Variants in PTMS observed in about 807,000 individuals in gnomAD.
PTMS encodes the protein parathymosin.
A neutral mutation model predicts 18.4 loss-of-function variants in PTMS; 5 were observed. That is an observed-to-expected ratio of 0.27 (90% confidence interval 0.14 to 0.57). The LOEUF (loss-of-function observed/expected upper bound fraction) is 0.57, where lower values mean the gene tolerates loss of function less well. Ranked by LOEUF, PTMS falls within the 20% of genes least tolerant of loss-of-function variation. The probability of loss-of-function intolerance (pLI) is 0.92; values close to 1 mark genes in which losing one functional copy is unlikely to be tolerated. For synonymous variants in PTMS, 53 were observed against 47.7 expected, an observed-to-expected ratio of 1.11 and a Z score of -0.46; for missense variants, 93 against 124.6, an observed-to-expected ratio of 0.75 and a Z score of 1.21.
intron 2 of PTMS, 91 bp downstream of exon 2, chr12:6,769,765 T>G: frequency 1.9e-6 from 3 of 1,600,982 alleles, no homozygotes; most frequent in Non-Finnish European, 2.6e-6. Context: ...CCGAGGGTGC[T>G]GGGTCCTGCC....
At chr12:6,769,218 G>A in intron 1 of PTMS, 1 of 254,920 alleles carries the variant, frequency 3.9e-6, no homozygotes. Context: ...GGCGGGGCAG[G>A]CAAGGGAGGC....
Position 6,766,597 on chromosome 12 carries a change from C to A in PTMS, c.-109C>A. The A allele has an allele frequency of 1.7e-6, 1 of 598,128 alleles. No individual in the cohort carries two copies. The highest frequency in any genetic ancestry group is 2.2e-6 in the Non-Finnish European group (1 of 446,844). 37.1% of individuals were successfully genotyped at this position (598,128 alleles called of 1,614,324 possible). A position where few individuals can be genotyped will look rare whatever the true frequency, so the allele number is the denominator to read the frequency against. On this transcript the variant is annotated 5_prime_UTR_variant, in exon 1 of 5. Coordinates refer to ENST00000309083, the MANE Select transcript of PTMS (RefSeq NM_002824.6). ...GCCGCTGCCGCTGTCGCCGCCGCCG[C>A]CGCCACCGCGCCAGGTTCCGGCCGC...
At chr12:6,769,208 G>A (rs1941807077) in intron 1 of PTMS, 1 of 253,898 alleles carries the variant, frequency 3.9e-6, no homozygotes, top group Non-Finnish European at 7.6e-6. Flanking sequence ...GGCGGGCAGT[G>A]GCGGGGCAGG....
Position 6,770,760 on chromosome 12 carries a change from A to G in PTMS, c.*318A>G. 7.4e-6 allele frequency: 3 copies of G among 406,964 alleles called. No homozygotes were observed. Among genetic ancestry groups the G allele is most frequent in the Middle Eastern group, 7.1e-4 (1 of 1,406 alleles). The allele number at this position is 406,964 out of a possible 1,614,324, so 25.2% of individuals were successfully genotyped here. A position where few individuals can be genotyped will look rare whatever the true frequency, so the allele number is the denominator to read the frequency against. Reference sequence around the variant, plus strand: ...TTCCTCCGGTAGCCTCTCCCACCTAACCTCTGCATCCCCCAGCCTCATGTC... The same window carrying G: ...TTCCTCCGGTAGCCTCTCCCACCTAGCCTCTGCATCCCCCAGCCTCATGTC... On this transcript the variant is annotated 3_prime_UTR_variant, in exon 5 of 5. Coordinates refer to ENST00000309083, the MANE Select transcript of PTMS (RefSeq NM_002824.6). This position sits in a 1 kb window ranked among gnomAD's most constrained non-coding sequence, Gnocchi z 7.3.
In PTMS at chr12:6,766,764, C is replaced by T. The variant is rs1046477106; in HGVS notation, c.45+14C>T. ...TTGAGCGCCAAGGTACGGGCGGGGG[C>T]GGCGGCGGCCCGGACCTCGCGCAGC... On this transcript the variant is annotated intron_variant, in intron 1 of 4. Coordinates refer to ENST00000309083, the MANE Select transcript of PTMS (RefSeq NM_002824.6). The T allele has an allele frequency of 1.9e-6, 2 of 1,059,536 alleles. No homozygotes were observed. Among genetic ancestry groups the T allele is most frequent in the Non-Finnish European group, 2.3e-6 (2 of 879,852 alleles). 65.6% of individuals were successfully genotyped at this position (1,059,536 alleles called of 1,614,324 possible). A position where few individuals can be genotyped will look rare whatever the true frequency, so the allele number is the denominator to read the frequency against.
chr12:6,770,307 C>T lies in PTMS; in HGVS notation c.259-85C>T, dbSNP rs528339458. On this transcript the variant is annotated intron_variant, in intron 4 of 4. Coordinates refer to ENST00000309083, the MANE Select transcript of PTMS (RefSeq NM_002824.6). This position sits in a 1 kb window ranked among gnomAD's most constrained non-coding sequence, Gnocchi z 7.3. Reference sequence around the variant, plus strand: ...GATTTGGACCCAGATCCCTGTGTGGCAGGGGTGGGGGCTGGAACAGGACCG... The same window carrying T: ...GATTTGGACCCAGATCCCTGTGTGGTAGGGGTGGGGGCTGGAACAGGACCG... 2.5e-6 allele frequency: 4 copies of T among 1,608,426 alleles called. No individual in the cohort carries two copies. Among genetic ancestry groups the T allele is most frequent in the Admixed American group, 1.7e-5 (1 of 60,016 alleles).
chr12:6,766,504 A>AGGGGG lies in PTMS; in HGVS notation c.-201_-200insGGGGG. 1 of 258,872 alleles carries AGGGGG rather than the reference A, an allele frequency of 3.9e-6. No homozygotes were observed. Among genetic ancestry groups the AGGGGG allele is most frequent in the South Asian group, 3.4e-5 (1 of 29,514 alleles). 16.0% of individuals were successfully genotyped at this position (258,872 alleles called of 1,614,324 possible). A position where few individuals can be genotyped will look rare whatever the true frequency, so the allele number is the denominator to read the frequency against. On this transcript the variant is annotated 5_prime_UTR_variant, in exon 1 of 5. Transcript: ENST00000309083. Reference sequence around the variant, plus strand: ...CCGCAGCCCTGCGGGTCTCCGCTCCAGACCCACCCCCGCCCCACCCCGCGC... The same window carrying AGGGGG: ...CCGCAGCCCTGCGGGTCTCCGCTCCAGGGGGGACCCACCCCCGCCCCACCCCGCGC...
chr12:6,769,751 C>T, intron 2 of PTMS, 77 bp downstream of exon 2: 1 of 1,603,340 alleles, frequency 6.2e-7, no homozygotes, highest in Non-Finnish European at 8.5e-7. Flanking sequence ...CCTCTGCTTT[C>T]CTTCCGAGGG....
At position 6,769,594 on chromosome 12, in the gene PTMS, C is replaced by G. The variant is rs1399346983; in HGVS notation, c.46-9C>G. Reference sequence around the variant, plus strand: ...GTGGTGAGAAAGGTGACCTCTTTCTCCTTTGCAGGACCTGAAGGAGAAGAA... The same window carrying G: ...GTGGTGAGAAAGGTGACCTCTTTCTGCTTTGCAGGACCTGAAGGAGAAGAA... On this transcript the variant is annotated splice_polypyrimidine_tract_variant and intron_variant, in intron 1 of 4. Coordinates refer to ENST00000309083, the MANE Select transcript of PTMS (RefSeq NM_002824.6). The G allele has an allele frequency of 7.4e-6, 12 of 1,613,900 alleles. No homozygotes were observed. The highest frequency in any genetic ancestry group is 1.0e-5 in the Non-Finnish European group (12 of 1,180,006).
chr12:6,766,586 C>A lies in PTMS; in HGVS notation c.-120C>A. 2.2e-6 allele frequency: 1 copy of A among 457,352 alleles called. No homozygotes were observed. The allele number at this position is 457,352 out of a possible 1,614,324, so 28.3% of individuals were successfully genotyped here. A position where few individuals can be genotyped will look rare whatever the true frequency, so the allele number is the denominator to read the frequency against. ...GCCGAGCGGCCGCCGCTGCCGCTGTCGCCGCCGCCGCCGCCACCGCGCCAG... is the reference window on the plus strand; with the variant it reads ...GCCGAGCGGCCGCCGCTGCCGCTGTAGCCGCCGCCGCCGCCACCGCGCCAG... On this transcript the variant is annotated 5_prime_UTR_variant, in exon 1 of 5. Transcript: ENST00000309083.
chr12:6,769,766 G>A, intron 2 of PTMS, 92 bp downstream of exon 2: 3 of 1,598,584 alleles, frequency 1.9e-6, no homozygotes, highest in Non-Finnish European at 1.7e-6. Flanking sequence ...CGAGGGTGCT[G>A]GGTCCTGCCG....
intron 1 of PTMS, among the ~76,000 whole-genome samples, chr12:6,766,954 C>A (rs560674517): frequency 2.0e-5 from 3 of 151,568 alleles, no homozygotes; most frequent in South Asian, 2.1e-4. Flanking sequence ...AGCTGCCCTG[C>A]GCGCACCACG....
At chr12:6,766,945 G>A (rs986243570) in intron 1 of PTMS, among the ~76,000 whole-genome samples, 195 bp downstream of exon 1, 3 of 151,180 alleles carry the variant, frequency 2.0e-5, no homozygotes, top group Non-Finnish European at 4.4e-5. Flanking sequence ...GCGCCCTCTA[G>A]CTGCCCTGCG....
Position 6,770,829 on chromosome 12 carries a change from T to G in PTMS, c.*387T>G. The G allele has an allele frequency of 2.8e-5, 6 of 215,784 alleles. No individual in the cohort carries two copies. The highest frequency in any genetic ancestry group is 2.8e-5 in the Non-Finnish European group (3 of 106,884). 13.4% of individuals were successfully genotyped at this position (215,784 alleles called of 1,614,324 possible). A position where few individuals can be genotyped will look rare whatever the true frequency, so the allele number is the denominator to read the frequency against. On this transcript the variant is annotated 3_prime_UTR_variant, in exon 5 of 5. Coordinates refer to ENST00000309083, the MANE Select transcript of PTMS (RefSeq NM_002824.6). This position sits in a 1 kb window ranked among gnomAD's most constrained non-coding sequence, Gnocchi z 7.3. ...GCCTGATCCCTGGATCTCCCTCAGATCCCCTCTTCTCAGACAGCGCCAGGC... is the reference window on the plus strand; with the variant it reads ...GCCTGATCCCTGGATCTCCCTCAGAGCCCCTCTTCTCAGACAGCGCCAGGC...
intron 2 of PTMS, 77 bp from the exon 3 acceptor site, chr12:6,769,844 G>C (rs1464293435): frequency 6.2e-7 from 1 of 1,607,358 alleles, no homozygotes; most frequent in Non-Finnish European, 8.5e-7. Context: ...TATCACCCAG[G>C]CTCCAGTCCC....
Position 6,770,043 on chromosome 12 carries a change from A to G in PTMS, c.196+44A>G. 1 of 1,575,944 alleles carries G rather than the reference A, an allele frequency of 6.3e-7. No individual in the cohort carries two copies. The highest frequency in any genetic ancestry group is 8.6e-7 in the Non-Finnish European group (1 of 1,161,394). Reference sequence around the variant, plus strand: ...GGCTGGGCTGGCAAAGTCTGGGCTCAAAGGAGAGCAGAGTCAGGGTGGGTT... The same window carrying G: ...GGCTGGGCTGGCAAAGTCTGGGCTCGAAGGAGAGCAGAGTCAGGGTGGGTT... On this transcript the variant is annotated intron_variant, in intron 3 of 4. Coordinates refer to ENST00000309083, the MANE Select transcript of PTMS (RefSeq NM_002824.6). The surrounding 1 kb of genome is among the most constrained non-coding windows in gnomAD (Gnocchi z 7.3).
chr12:6,770,572 T>A lies in PTMS; in HGVS notation c.*130T>A, dbSNP rs1329332937. The A allele has an allele frequency of 5.0e-5, 54 of 1,086,822 alleles. No individual in the cohort carries two copies. The highest frequency in any genetic ancestry group is 6.6e-5 in the Non-Finnish European group (48 of 727,840). 67.3% of individuals were successfully genotyped at this position (1,086,822 alleles called of 1,614,324 possible). A position where few individuals can be genotyped will look rare whatever the true frequency, so the allele number is the denominator to read the frequency against. The stretch of plus-strand genomic sequence containing the variant: ...TGCACCAGAGCTGCCACCCTCTTCT[T>A]TCTCCCCAGCCTTCTCATTTCCGCC... On this transcript the variant is annotated 3_prime_UTR_variant, in exon 5 of 5. Transcript: ENST00000309083. This position sits in a 1 kb window ranked among gnomAD's most constrained non-coding sequence, Gnocchi z 7.3.
intron 1 of PTMS, 49 bp downstream of exon 1, chr12:6,766,799 C>T: frequency 9.6e-7 from 1 of 1,039,622 alleles, no homozygotes; most frequent in Non-Finnish European, 1.2e-6. Context: ...CCCTGGGGCC[C>T]GGCGCGGTCC....
In PTMS at chr12:6,770,389, C is replaced by T; in HGVS notation, c.259-3C>T. 3.1e-6 allele frequency: 5 copies of T among 1,612,558 alleles called. No homozygotes were observed. Among genetic ancestry groups the T allele is most frequent in the Non-Finnish European group, 4.2e-6 (5 of 1,179,806 alleles). On this transcript the variant is annotated splice_polypyrimidine_tract_variant and splice_region_variant and intron_variant, in intron 4 of 4. Transcript: ENST00000309083. This position sits in a 1 kb window ranked among gnomAD's most constrained non-coding sequence, Gnocchi z 7.3. ...AGCTCCCCCATTCTCTCCCTCTCCA[C>T]AGGATGAAGCGGATCCCAAACGGCA...
Sources: gnomAD v4.1 joint callset for allele counts (sites outside exome capture counted in the v4.1 genomes callset) on GRCh38, gnomAD v4.1.1 for gene constraint, Gnocchi (gnomAD v3.1) non-coding constraint, MANE v1.5 for transcripts, NCBI Gene and HGNC (gene_info 2026-07-23, HGNC 2026-07-21) for gene names.